Variants in ZNRF3 observed in about 807,000 individuals in gnomAD.
ZNRF3 encodes zinc and ring finger 3.
Under a neutral mutation model 72.5 loss-of-function variants are expected in ZNRF3, and 23 were observed. The ratio of observed to expected loss-of-function variants is 0.32; its 90% CI spans 0.23 to 0.45. The LOEUF (loss-of-function observed/expected upper bound fraction) is 0.45. Ranked by LOEUF, ZNRF3 falls within the 20% of genes least tolerant of loss-of-function variation. ZNRF3 has a pLI of 1.00. For missense variants in ZNRF3, 1,169 were observed against 1,272.1 expected (o/e 0.92, Z 1.23); for synonymous variants, 610 against 545.3 (o/e 1.12, Z -1.65).
At chr22:29,043,171 C>A in intron 3 of ZNRF3, 128 bp from the exon 4 acceptor site, 3 of 1,073,692 alleles carry the variant, frequency 2.8e-6, no homozygotes, top group Non-Finnish European at 2.6e-6. Context: ...AGCTCCAAGG[C>A]TGTAATGTTG....
chr22:28,893,500 CTTTT>C (rs796094872), intron 1 of ZNRF3, among the ~76,000 whole-genome samples: 1 of 141,858 alleles, frequency 7.0e-6, no homozygotes, highest in African/African-American at 2.6e-5. Context: ...CTTTCTTTTT[CTTTT>C]TTTTTTTTTT....
At chr22:29,053,171 C>T (rs547909264) in intron 8 of ZNRF3, among the ~76,000 whole-genome samples, 3 of 152,260 alleles carry the variant, frequency 2.0e-5, no homozygotes, top group African/African-American at 7.2e-5. Flanking sequence ...GGTTAGGTAA[C>T]ACTCCAGCCC....
chr22:28,984,054 T>C (rs1315052363), intron 1 of ZNRF3, among the ~76,000 whole-genome samples: 1 of 152,078 alleles, frequency 6.6e-6, no homozygotes, highest in Non-Finnish European at 1.5e-5. Flanking sequence ...GATCCCCGTG[T>C]TAGCTGAGGG....
At chr22:28,946,555 G>A (rs560450072) in intron 1 of ZNRF3, among the ~76,000 whole-genome samples, 19 of 152,346 alleles carry the variant, frequency 1.2e-4, no homozygotes, top group Middle Eastern at 3.4e-3. Context: ...CAGGTAGACC[G>A]TCCATTTACT....
At chr22:28,979,287 T>A (rs1035970832) in intron 1 of ZNRF3, among the ~76,000 whole-genome samples, 10 of 152,200 alleles carry the variant, frequency 6.6e-5, no homozygotes, top group Non-Finnish European at 1.0e-4. Flanking sequence ...GTTTTGTTGT[T>A]GCTGACAGCA....
chr22:29,044,563 A>G (rs1374571748), intron 4 of ZNRF3, among the ~76,000 whole-genome samples: 5 of 152,222 alleles, frequency 3.3e-5, no homozygotes, highest in African/African-American at 7.2e-5. Context: ...CCTGGCTGAG[A>G]TCGCCACAGG....
At chr22:28,912,100 C>G (rs998890196) in intron 1 of ZNRF3, among the ~76,000 whole-genome samples, 2 of 152,212 alleles carry the variant, frequency 1.3e-5, no homozygotes, top group Non-Finnish European at 2.9e-5. Flanking sequence ...ACACTTTCCA[C>G]AGGAACTAAC....
chr22:28,963,113 C>T (rs887956356), intron 1 of ZNRF3, among the ~76,000 whole-genome samples: 6 of 152,178 alleles, frequency 3.9e-5, no homozygotes, highest in African/African-American at 7.2e-5. Context: ...ATGGTGGTCT[C>T]ACAGGAGACA....
At chr22:28,889,507 G>C (rs2033848143) in intron 1 of ZNRF3, among the ~76,000 whole-genome samples, 1 of 152,152 alleles carries the variant, frequency 6.6e-6, no homozygotes, top group Non-Finnish European at 1.5e-5. Flanking sequence ...TTATTTTGTA[G>C]ACATCTATCA....
chr22:28,893,060 G>A (rs939401258), intron 1 of ZNRF3, among the ~76,000 whole-genome samples: 19 of 152,042 alleles, frequency 1.2e-4, no homozygotes, highest in African/African-American at 3.9e-4. Context: ...CCAGCTACTC[G>A]GGAGGCTGAG....
chr22:29,051,787 C>A (rs774476622), intron 8 of ZNRF3, among the ~76,000 whole-genome samples: 16 of 151,394 alleles, frequency 1.1e-4, no homozygotes, highest in Non-Finnish European at 2.1e-4. Context: ...CACCTGTAAT[C>A]CTAGCTACTC....
chr22:28,887,343 T>C (rs770301950), intron 1 of ZNRF3, among the ~76,000 whole-genome samples: 8 of 151,932 alleles, frequency 5.3e-5, no homozygotes, highest in Non-Finnish European at 8.8e-5. Flanking sequence ...AGAGTACCTG[T>C]TCAGTCATTT....
Position 29,021,777 on chromosome 22 carries a change from C to T in ZNRF3, c.427-20718C>T, listed in dbSNP as rs150538106. On this transcript the variant is annotated intron_variant, in intron 2 of 8. Coordinates refer to ENST00000544604, the MANE Select transcript of ZNRF3 (RefSeq NM_001206998.2). ...TGCTGGGATTACAGGCGTAAGCCAC[C>T]GTGCCCGGCCTTGTTTTAATCTTTA... Among the ~76,000 whole-genome samples, 474 of 152,256 alleles carry T rather than the reference C, an allele frequency of 3.1e-3. 2 individuals are homozygous for T. Among genetic ancestry groups the T allele is most frequent in the Admixed American group, 5.1e-3 (78 of 15,288 alleles).
chr22:29,045,009 C>T (rs1485370579), intron 5 of ZNRF3, 119 bp downstream of exon 5: 10 of 716,408 alleles, frequency 1.4e-5, no homozygotes, highest in Admixed American at 6.6e-5. Flanking sequence ...CAGCTGTGGA[C>T]TCTGAGCTCT....
intron 1 of ZNRF3, among the ~76,000 whole-genome samples, chr22:28,915,037 C>G (rs2034385298): frequency 6.6e-6 from 1 of 152,190 alleles, no homozygotes; most frequent in East Asian, 1.9e-4. Context: ...TGCAGATTAT[C>G]AGAAATCGTT....
chr22:28,991,299 A>G (rs1324398687), intron 2 of ZNRF3, among the ~76,000 whole-genome samples: 10 of 148,418 alleles, frequency 6.7e-5, no homozygotes, highest in Non-Finnish European at 1.4e-4. Context: ...AAAAAAAAAA[A>G]AAAAAAAAAA....
chr22:28,986,469 A>G (rs1419221246), intron 1 of ZNRF3, among the ~76,000 whole-genome samples: 2 of 152,166 alleles, frequency 1.3e-5, no homozygotes, highest in Non-Finnish European at 2.9e-5. Flanking sequence ...GAAATTTGAC[A>G]CTGCTTATCT....
chr22:28,909,522 T>G (rs1340267416), intron 1 of ZNRF3, among the ~76,000 whole-genome samples: 1 of 152,138 alleles, frequency 6.6e-6, no homozygotes, highest in East Asian at 1.9e-4. Flanking sequence ...TGCATGCTTA[T>G]CTTCCTAGAA....
chr22:28,956,148 G>A (rs1418880492), intron 1 of ZNRF3, among the ~76,000 whole-genome samples: 1 of 152,078 alleles, frequency 6.6e-6, no homozygotes, highest in Non-Finnish European at 1.5e-5. Flanking sequence ...CCTTCAAGGA[G>A]GGAGTGTGCT....
Sources: allele counts gnomAD v4.1 joint callset (sites outside exome capture counted in the v4.1 genomes callset), GRCh38; gene constraint gnomAD v4.1.1; transcripts MANE v1.5; gene names NCBI Gene and HGNC (gene_info 2026-07-23, HGNC 2026-07-21).